Variants in PCTP observed in about 807,000 individuals in gnomAD.
The protein encoded by PCTP is START domain-containing protein 2.
A neutral mutation model predicts 31.0 loss-of-function variants in PCTP; 27 were observed. The observed-to-expected ratio is 0.87, with a 90% CI of 0.64 to 1.20. The LOEUF (loss-of-function observed/expected upper bound fraction) is 1.20. Among genes scored for constraint, PCTP ranks in the 50% most tolerant of loss-of-function variants. The pLI is 0.00. For synonymous variants in PCTP, 108 were observed against 101.2 expected (o/e 1.07, Z -0.40); for missense variants, 287 against 268.2 (o/e 1.07, Z -0.49).
intron 3 of PCTP, chr17:55,822,740 T>C (rs951484718): frequency 8.2e-7 from 1 of 1,223,714 alleles, no homozygotes; most frequent in African/African-American, 1.6e-5. Context: ...CATCCTTTGC[T>C]CTTTCCATTT....
intron 3 of PCTP, among the ~76,000 whole-genome samples, chr17:55,793,363 A>C (rs898536202): frequency 1.4e-4 from 21 of 152,026 alleles, no homozygotes; most frequent in African/African-American, 5.1e-4. Context: ...TTTAAATTTC[A>C]ACAATGCTGA....
In PCTP at chr17:55,775,445, A is replaced by T. The variant is rs1039647666; in HGVS notation, c.579+586A>T. ...ATTCCTTGGAAGAGTGAAAAAGCACATCAACTTTGGAGTCAAACAGACGCA... is the reference window on the plus strand; with the variant it reads ...ATTCCTTGGAAGAGTGAAAAAGCACTTCAACTTTGGAGTCAAACAGACGCA... On this transcript the variant is annotated intron_variant, in intron 5 of 5. Coordinates refer to ENST00000268896, the MANE Select transcript of PCTP (RefSeq NM_021213.4). 4.1e-6 allele frequency: 5 copies of T among 1,231,404 alleles called. No individual in the cohort carries two copies. The African/African-American group carries it at 6.2e-5, about 15-fold the overall frequency. The allele number at this position is 1,231,404 out of a possible 1,614,324, so 76.3% of individuals were successfully genotyped here.
chr17:55,807,415 T>C (rs1912609855), intron 3 of PCTP, among the ~76,000 whole-genome samples: 1 of 152,196 alleles, frequency 6.6e-6, no homozygotes, highest in Admixed American at 6.5e-5. Context: ...TGTATCAGAA[T>C]CATATGTACA....
At chr17:55,841,052 G>A (rs1445490447) in intron 5 of PCTP, among the ~76,000 whole-genome samples, 1 of 152,198 alleles carries the variant, frequency 6.6e-6, no homozygotes, top group African/African-American at 2.4e-5. Context: ...CACGAACAAG[G>A]TGGGGACTAC....
chr17:55,773,275 C>T (rs1027740681), intron 3 of PCTP, among the ~76,000 whole-genome samples: 7 of 152,126 alleles, frequency 4.6e-5, no homozygotes, highest in Non-Finnish European at 7.4e-5. Flanking sequence ...CATTGTCTGT[C>T]GAGTGCTTAC....
At chr17:55,767,752 G>A (rs1487248642) in intron 2 of PCTP, among the ~76,000 whole-genome samples, 5 of 147,092 alleles carry the variant, frequency 3.4e-5, no homozygotes, top group African/African-American at 1.3e-4. Context: ...GGCATGAGCC[G>A]CTGCACCCAG....
downstream of PCTP, among the ~76,000 whole-genome samples, chr17:55,843,523 A>G (rs1303965489): frequency 6.6e-6 from 1 of 152,144 alleles, no homozygotes; most frequent in Non-Finnish European, 1.5e-5. Context: ...TTTGCTCGTG[A>G]TAGTTCCTTT....
At chr17:55,839,345 G>GA (rs918508549) in intron 5 of PCTP, among the ~76,000 whole-genome samples, 1 of 152,154 alleles carries the variant, frequency 6.6e-6, no homozygotes, top group African/African-American at 2.4e-5. Flanking sequence ...AAAATAGCAG[G>GA]AAAGTCAAAT....
intron 3 of PCTP, among the ~76,000 whole-genome samples, chr17:55,816,106 C>T (rs974341777): frequency 1.2e-4 from 19 of 152,142 alleles, no homozygotes; most frequent in Admixed American, 7.9e-4. Context: ...AGATATCATT[C>T]ACATATCTCA....
At chr17:55,817,350 CA>C (rs1259072987) in intron 3 of PCTP, among the ~76,000 whole-genome samples, 1 of 152,224 alleles carries the variant, frequency 6.6e-6, no homozygotes, top group Non-Finnish European at 1.5e-5. Flanking sequence ...AGAGTTGCCA[CA>C]GAGTCCAGAA....
At chr17:55,812,346 G>A (rs1454371473) in intron 3 of PCTP, among the ~76,000 whole-genome samples, 2 of 152,194 alleles carry the variant, frequency 1.3e-5, no homozygotes, top group African/African-American at 4.8e-5. Flanking sequence ...AGAGGTAGTA[G>A]GCACTAGTAT....
At chr17:55,842,683 G>A (rs573303305) in intron 5 of PCTP, 15 of 152,234 alleles carry the variant, frequency 9.9e-5, no homozygotes, top group African/African-American at 2.6e-4. Context: ...TAAGTTTTCC[G>A]GTTCTATTTT....
At chr17:55,771,077 A>T in intron 2 of PCTP, 29 bp from the exon 3 acceptor site, 2 of 1,563,094 alleles carry the variant, frequency 1.3e-6, no homozygotes, top group Non-Finnish European at 1.8e-6. Flanking sequence ...AGGCTTCCAG[A>T]TGCATTAACT....
Position 55,783,255 on chromosome 17 carries a change from C to G in PCTP, c.229-4311C>G, listed in dbSNP as rs554228335. Among the ~76,000 whole-genome samples, 3 of 152,006 alleles carry G rather than the reference C, an allele frequency of 2.0e-5. No individual in the cohort carries two copies. In the East Asian group the frequency reaches 5.8e-4, roughly 29 times the overall value. Reference sequence around the variant, plus strand: ...ACCGTTGGAGAGCTCATACTAGCCCCGTAAAAGTCTACTCAACAGAATGAT... The same window carrying G: ...ACCGTTGGAGAGCTCATACTAGCCCGGTAAAAGTCTACTCAACAGAATGAT... On this transcript the variant is annotated intron_variant, in intron 2 of 3. Transcript: ENST00000572536.
At chr17:55,774,138 CCAGATGAAA>C (rs1294974409) in intron 4 of PCTP, among the ~76,000 whole-genome samples, 1 of 152,192 alleles carries the variant, frequency 6.6e-6, no homozygotes, top group African/African-American at 2.4e-5. Flanking sequence ...CATGGATTGT[CCAGATGAAA>C]CCAGACCATT....
At chr17:55,767,491 T>A in intron 2 of PCTP, 39 bp downstream of exon 2, 1 of 1,382,490 alleles carries the variant, frequency 7.2e-7, no homozygotes, top group Non-Finnish European at 1.0e-6. Context: ...TTAGACGTAC[T>A]TTCACTTTTG....
chr17:55,802,437 A>G (rs1598007079), intron 3 of PCTP, among the ~76,000 whole-genome samples: 1 of 152,210 alleles, frequency 6.6e-6, no homozygotes, highest in African/African-American at 2.4e-5. Flanking sequence ...TTTCAAGCCA[A>G]TATCTCTAAT....
At chr17:55,845,343 AC>A (rs1906113218), downstream of PCTP, among the ~76,000 whole-genome samples, 3 of 151,980 alleles carry the variant, frequency 2.0e-5, no homozygotes, top group South Asian at 6.3e-4. Flanking sequence ...TTATGTGCCC[AC>A]TTGAGAAGAG....
At chr17:55,769,993 A>G (rs1910893435) in intron 2 of PCTP, 2 of 152,282 alleles carry the variant, frequency 1.3e-5, no homozygotes, top group South Asian at 4.1e-4. Flanking sequence ...CTTAATCTAC[A>G]GTGTGCTTCT....
Sources: allele counts gnomAD v4.1 joint callset (sites outside exome capture counted in the v4.1 genomes callset), GRCh38; gene constraint gnomAD v4.1.1; transcripts MANE v1.5; gene names NCBI Gene and HGNC (gene_info 2026-07-23, HGNC 2026-07-21).